Variants in DNAH8 observed in about 807,000 individuals in gnomAD.
DNAH8 encodes the protein axonemal beta dynein heavy chain 8.
Under a neutral mutation model 562.1 loss-of-function variants are expected in DNAH8, and 382 were observed. The observed-to-expected ratio is 0.68, with a 90% CI of 0.63 to 0.74. The LOEUF (loss-of-function observed/expected upper bound fraction) is 0.74, where lower values mean the gene tolerates loss of function less well. Among genes scored for constraint, DNAH8 ranks in the 30% least tolerant of loss-of-function variants. The probability of loss-of-function intolerance (pLI) is 0.00; values close to 1 mark genes in which losing one functional copy is unlikely to be tolerated. For synonymous variants in DNAH8, 1,881 were observed against 1,919.4 expected (o/e 0.98, Z 0.52); for missense variants, 5,203 against 5,620.4 (o/e 0.93, Z 2.37).
chr6:38,771,112 G>A (rs1280368934), intron 12 of DNAH8, among the ~76,000 whole-genome samples: 1 of 152,152 alleles, frequency 6.6e-6, no homozygotes, highest in African/African-American at 2.4e-5. Context: ...CCTTTGAAAA[G>A]TCTGTAAAGA....
rs778259209 is a variant in DNAH8, at chr6:38,896,110, CA to C, written c.8826del (p.Ala2943ArgfsTer38). On this transcript the variant is annotated frameshift_variant, in exon 60 of 93. Coordinates refer to ENST00000327475, the MANE Select transcript of DNAH8 (RefSeq NM_001206927.2). LOFTEE classifies it high-confidence loss of function. ...RAVEENIGSD[A>X]ASCILPEPYF... ...GTTGAAGAAAATATTGGCTCTGATGCAGCGTCGTGTATTCTTCCTGAACCAT... is the reference window on the plus strand; with the variant it reads ...GTTGAAGAAAATATTGGCTCTGATGCGCGTCGTGTATTCTTCCTGAACCAT... 3.7e-6 allele frequency: 6 copies of C among 1,614,052 alleles called. No individual in the cohort carries two copies. The highest frequency in any genetic ancestry group is 5.1e-6 in the Non-Finnish European group (6 of 1,179,918).
rs1770200646 is a variant in DNAH8, at chr6:38,795,811, A to G, written c.2901+4137A>G. Among the ~76,000 whole-genome samples, 3 of 152,290 alleles carry G rather than the reference A, an allele frequency of 2.0e-5. No individual in the cohort carries two copies. The South Asian group carries it at 6.2e-4, about 32-fold the overall frequency. On this transcript the variant is annotated intron_variant, in intron 21 of 92. Coordinates refer to ENST00000327475, the MANE Select transcript of DNAH8 (RefSeq NM_001206927.2). ...CCTGACTGCAATCAGTTTTGGAAACACAATATATGTAACATTAATTTTTTG... is the reference window on the plus strand; with the variant it reads ...CCTGACTGCAATCAGTTTTGGAAACGCAATATATGTAACATTAATTTTTTG...
chr6:38,754,542 A>T (rs1765745964), intron 9 of DNAH8, among the ~76,000 whole-genome samples: 1 of 152,086 alleles, frequency 6.6e-6, no homozygotes, highest in Non-Finnish European at 1.5e-5. Context: ...TCTTGGCTGT[A>T]TTTCTTCCAT....
chr6:38,819,494 A>G (rs1481434209), intron 26 of DNAH8, among the ~76,000 whole-genome samples: 1 of 152,180 alleles, frequency 6.6e-6, no homozygotes, highest in African/African-American at 2.4e-5. Flanking sequence ...ACATAGACTT[A>G]AATACAGCCT....
intron 74 of DNAH8, among the ~76,000 whole-genome samples, chr6:38,928,389 C>T (rs1782277899): frequency 6.6e-6 from 1 of 152,158 alleles, no homozygotes; most frequent in Admixed American, 6.6e-5. Context: ...TTTAGTCTTA[C>T]TGGTGCTTTT....
At chr6:39,029,541 AGAGAGACACTG>A (rs1479359479) in intron 92 of DNAH8, among the ~76,000 whole-genome samples, 21 of 152,184 alleles carry the variant, frequency 1.4e-4, no homozygotes, top group African/African-American at 4.8e-4. Context: ...CTATTGTATG[AGAGAGACACTG>A]GGGAGGGTGG....
chr6:38,937,914 G>T, intron 77 of DNAH8, 60 bp from the exon 78 acceptor site: 3 of 1,520,474 alleles, frequency 2.0e-6, no homozygotes, highest in Non-Finnish European at 9.0e-7. Context: ...CAGAAGAGAT[G>T]TATCTTGCTT....
intron 39 of DNAH8, 35 bp from the exon 40 acceptor site, chr6:38,852,659 C>A: frequency 6.7e-7 from 1 of 1,485,524 alleles, no homozygotes; most frequent in South Asian, 1.2e-5. Context: ...CTTTTGTGTC[C>A]AGCCTCATGT....
intron 85 of DNAH8, among the ~76,000 whole-genome samples, chr6:38,976,594 A>AT (rs1357151007): frequency 6.6e-6 from 1 of 152,178 alleles, no homozygotes; most frequent in Non-Finnish European, 1.5e-5. Context: ...TGCATGTCAG[A>AT]TCTCGCCTCA....
At chr6:38,805,684 G>T (rs544864449) in intron 23 of DNAH8, 88 bp downstream of exon 23, 142 of 669,694 alleles carry the variant, frequency 2.1e-4, no homozygotes, top group Middle Eastern at 1.2e-3. Flanking sequence ...TTTCCAGGCA[G>T]TTCTGCAACC....
chr6:38,964,714 A>G (rs181100955), intron 82 of DNAH8, among the ~76,000 whole-genome samples: 25 of 152,318 alleles, frequency 1.6e-4, no homozygotes, highest in Non-Finnish European at 3.4e-4. Flanking sequence ...GTTTTCTGAT[A>G]ATATTTGATG....
chr6:38,957,026 A>G (rs1762289366), intron 82 of DNAH8, among the ~76,000 whole-genome samples: 1 of 152,196 alleles, frequency 6.6e-6, no homozygotes, highest in African/African-American at 2.4e-5. Context: ...ACCCAGCTAT[A>G]TGCTGCCTAC....
At chr6:38,807,434 TA>T (rs749011781) in intron 23 of DNAH8, among the ~76,000 whole-genome samples, 175 bp from the exon 24 acceptor site, 51 of 152,092 alleles carry the variant, frequency 3.4e-4, no homozygotes, top group South Asian at 1.2e-3. Flanking sequence ...CTTATTTGTC[TA>T]AAAAAAACAG....
chr6:39,010,780 T>TAC (rs57647007), intron 89 of DNAH8, among the ~76,000 whole-genome samples: 13,459 of 144,936 alleles, frequency 0.093, 759 homozygotes, highest in Admixed American at 0.19. Flanking sequence ...TATATATATA[T>TAC]ACACACACAC....
chr6:38,775,429 T>C (rs879768725), intron 12 of DNAH8, among the ~76,000 whole-genome samples: 8 of 152,166 alleles, frequency 5.3e-5, no homozygotes, highest in Non-Finnish European at 8.8e-5. Context: ...GTGAAATGAT[T>C]TTCAGAAAAT....
chr6:38,827,570 T>C (rs976510545), intron 29 of DNAH8, among the ~76,000 whole-genome samples: 2 of 151,892 alleles, frequency 1.3e-5, no homozygotes, highest in Non-Finnish European at 2.9e-5. Context: ...CTTGAACCCA[T>C]TGAGAGTTTA....
At position 38,862,425 on chromosome 6, in the gene DNAH8, A is replaced by G; in HGVS notation, c.6277A>G (p.Met2093Val). 6.2e-7 allele frequency: 1 copy of G among 1,613,916 alleles called. No individual in the cohort carries two copies. Among genetic ancestry groups the G allele is most frequent in the Non-Finnish European group, 8.5e-7 (1 of 1,179,898 alleles). Residue 2093 changes from methionine (M) to valine (V), a missense_variant, in exon 44 of 93, where the codon ATG becomes GTG. Met to Val is a conservative substitution (Grantham distance 21). This residue lies in a region of DNAH8 where 2,176 missense variants were observed against 2,365.1 expected (regional missense o/e 0.92). Coordinates refer to ENST00000327475, the MANE Select transcript of DNAH8 (RefSeq NM_001206927.2). ...GGTCGTGTTCAATTGCTCAGATCAA[A>G]TGGATTTCAGAGGCCTAGGAAGGAT... ...YVVVFNCSDQ[M>V]DFRGLGRIFK...
intron 62 of DNAH8, among the ~76,000 whole-genome samples, chr6:38,902,986 T>C (rs941827480): frequency 2.6e-5 from 4 of 152,222 alleles, no homozygotes; most frequent in African/African-American, 9.6e-5. Context: ...TTATACTGTA[T>C]TTTTACTGTA....
intron 45 of DNAH8, among the ~76,000 whole-genome samples, chr6:38,864,500 C>A (rs528635558): frequency 4.0e-4 from 61 of 152,320 alleles, no homozygotes; most frequent in Non-Finnish European, 8.1e-4. Flanking sequence ...GAGGCCAGGG[C>A]TGCTTTGTAT....
Sources: allele counts gnomAD v4.1 joint callset (sites outside exome capture counted in the v4.1 genomes callset), GRCh38; gene constraint gnomAD v4.1.1; regional missense constraint gnomAD v4.1.1; transcripts MANE v1.5; gene names NCBI Gene and HGNC (gene_info 2026-07-23, HGNC 2026-07-21).